Variants in TRPM3 observed in about 807,000 individuals in gnomAD.
TRPM3 encodes the protein long transient receptor potential channel 3.
TRPM3 carries 77 observed loss-of-function variants against 181.2 expected under a neutral mutation model. The ratio of observed to expected loss-of-function variants is 0.42; its 90% CI spans 0.35 to 0.51. TRPM3 has a LOEUF of 0.51. Among genes scored for constraint, TRPM3 ranks in the 20% least tolerant of loss-of-function variants. TRPM3 has a pLI of 0.01. For missense variants in TRPM3, 1,759 were observed against 2,196.7 expected (o/e 0.80, Z 3.98); for synonymous variants, 745 against 796.4 (o/e 0.94, Z 1.09).
At chr9:70,801,351 C>T (rs770319713) in intron 6 of TRPM3, among the ~76,000 whole-genome samples, 2 of 152,150 alleles carry the variant, frequency 1.3e-5, no homozygotes, top group African/African-American at 2.4e-5. Context: ...TCAAGTTTCT[C>T]GCTCCGTCTA....
intron 1 of TRPM3, among the ~76,000 whole-genome samples, chr9:71,369,046 T>C (rs2092428713): frequency 9.2e-5 from 14 of 152,090 alleles, no homozygotes; most frequent in Admixed American, 9.2e-4. Flanking sequence ...CTTATATACA[T>C]ATATTGCAAA....
intron 1 of TRPM3, among the ~76,000 whole-genome samples, chr9:71,311,261 T>C (rs778585652): frequency 4.6e-5 from 7 of 152,300 alleles, no homozygotes; most frequent in Middle Eastern, 3.4e-3. Flanking sequence ...GTACTTATGC[T>C]GTGTATAACA....
rs145809553 is a variant in TRPM3, at chr9:70,568,731, T to C, written c.3224-15421A>G. Among the ~76,000 whole-genome samples the C allele has an allele frequency of 2.0e-5, 3 of 152,338 alleles. No homozygotes were observed. In the East Asian group the frequency reaches 5.8e-4, roughly 29 times the overall value. On this transcript the variant is annotated intron_variant, in intron 22 of 25. Coordinates refer to ENST00000677713, the MANE Select transcript of TRPM3 (RefSeq NM_001366145.2). The stretch of plus-strand genomic sequence containing the variant: ...ACTAGGATTCCATCATCTTAACCAC[T>C]ACCTTGTGCTATTTCTCAAGGTGTG...
intron 1 of TRPM3, among the ~76,000 whole-genome samples, chr9:71,435,768 A>G (rs1203105880): frequency 6.6e-6 from 1 of 152,210 alleles, no homozygotes; most frequent in African/African-American, 2.4e-5. Context: ...TTACATGTCA[A>G]TGGGGAATAA....
intron 1 of TRPM3, among the ~76,000 whole-genome samples, chr9:71,430,229 AAC>A (rs555962056): frequency 3.3e-5 from 5 of 152,238 alleles, no homozygotes; most frequent in Non-Finnish European, 7.3e-5. Flanking sequence ...TGAATGAGAT[AAC>A]ACATATGAAA....
intron 1 of TRPM3, among the ~76,000 whole-genome samples, chr9:71,261,314 A>G (rs1439467541): frequency 6.6e-6 from 1 of 152,260 alleles, no homozygotes; most frequent in Admixed American, 6.5e-5. Flanking sequence ...ATACTTGTGT[A>G]TGCTTCACGA....
chr9:70,883,052 A>G (rs922530426), intron 1 of TRPM3, among the ~76,000 whole-genome samples: 5 of 152,204 alleles, frequency 3.3e-5, no homozygotes, highest in East Asian at 3.9e-4. Flanking sequence ...CTTGAAAATG[A>G]TATATATGTA....
rs754394242 is a variant in TRPM3, at chr9:70,827,872, A to G, written c.948T>C (p.His316=). 5 of 1,613,974 alleles carry G rather than the reference A, an allele frequency of 3.1e-6. No homozygotes were observed. The highest frequency in any genetic ancestry group is 4.5e-5 in the East Asian group (2 of 44,894). ...EVKLRRQLEK[H]ISLQKINTRI... is the part of the protein sequence containing the mutation. The stretch of plus-strand genomic sequence containing the variant: ...TTGTGTTTATCTTCTGGAGTGAAAT[A>G]TGCTTTTCCAGTTGTCTTCGAAGTT... Residue 316 remains histidine (H), a synonymous_variant, in exon 6 of 26, where the codon CAT becomes CAC. Transcript: ENST00000677713.
At chr9:71,181,874 C>T (rs1313298654) in intron 1 of TRPM3, among the ~76,000 whole-genome samples, 3 of 152,084 alleles carry the variant, frequency 2.0e-5, no homozygotes. Context: ...TCCAGCACTA[C>T]CTGTGTCATT....
At chr9:71,419,326 A>G (rs2093690549) in intron 1 of TRPM3, among the ~76,000 whole-genome samples, 2 of 152,100 alleles carry the variant, frequency 1.3e-5, no homozygotes, top group South Asian at 4.1e-4. Context: ...CCAAAGGATG[A>G]AGAAAACAAA....
chr9:71,322,974 T>A (rs1437342404), intron 1 of TRPM3, among the ~76,000 whole-genome samples: 1 of 152,178 alleles, frequency 6.6e-6, no homozygotes, highest in Non-Finnish European at 1.5e-5. Flanking sequence ...TTCATTTACC[T>A]TTTTGCAATA....
chr9:71,252,242 A>G (rs1432047894), intron 1 of TRPM3, among the ~76,000 whole-genome samples: 1 of 152,092 alleles, frequency 6.6e-6, no homozygotes. Context: ...ATTATGGCCA[A>G]TTGAGGTAGC....
At chr9:71,222,652 G>A (rs2080308986) in intron 1 of TRPM3, among the ~76,000 whole-genome samples, 1 of 152,208 alleles carries the variant, frequency 6.6e-6, no homozygotes, top group Admixed American at 6.5e-5. Flanking sequence ...CTGAAAGAGG[G>A]ACTGAAGAGG....
chr9:71,190,158 A>G (rs1237816916), intron 1 of TRPM3, among the ~76,000 whole-genome samples: 1 of 151,868 alleles, frequency 6.6e-6, no homozygotes, highest in Non-Finnish European at 1.5e-5. Flanking sequence ...TTAATATACA[A>G]GGCAGGAGCA....
intron 8 of TRPM3, among the ~76,000 whole-genome samples, chr9:70,755,231 G>A (rs2076850846): frequency 6.6e-6 from 1 of 152,084 alleles, no homozygotes; most frequent in South Asian, 2.1e-4. Context: ...ATTCACCAAG[G>A]TTGAAATGAA....
At chr9:70,881,793 CA>C (rs2095998541) in intron 1 of TRPM3, among the ~76,000 whole-genome samples, 1 of 152,162 alleles carries the variant, frequency 6.6e-6, no homozygotes, top group African/African-American at 2.4e-5. Context: ...AGTTTTCCCC[CA>C]TTGCTCTCAA....
intron 1 of TRPM3, among the ~76,000 whole-genome samples, chr9:71,437,864 G>GAAAAAAAAAAAAAAAAAA (rs35701065): frequency 8.6e-6 from 1 of 116,408 alleles, no homozygotes. Flanking sequence ...CGAAACTCCG[G>GAAAAAAAAAAAAAAAAAA]AAAAAAAAAA....
chr9:70,745,398 T>C (rs1316928181), intron 8 of TRPM3, among the ~76,000 whole-genome samples: 1 of 152,192 alleles, frequency 6.6e-6, no homozygotes. Flanking sequence ...ACCCACTGTA[T>C]GTTGAAAACT....
chr9:71,279,074 C>T (rs1588256863), intron 1 of TRPM3, among the ~76,000 whole-genome samples: 2 of 123,852 alleles, frequency 1.6e-5, no homozygotes, highest in South Asian at 2.7e-4. Context: ...AAAAAACCAC[C>T]AACGACCATT....
Sources: allele counts gnomAD v4.1 joint callset (sites outside exome capture counted in the v4.1 genomes callset), GRCh38; gene constraint gnomAD v4.1.1; transcripts MANE v1.5; gene names NCBI Gene and HGNC (gene_info 2026-07-23, HGNC 2026-07-21).